The following MAF variants were observed in gnomAD, a reference collection of about 807,000 sequenced individuals.
MAF encodes transcription factor Maf.
In MAF, 10 loss-of-function variants were observed where a neutral mutation model predicts 22.0. The ratio of observed to expected loss-of-function variants is 0.45; its 90% CI spans 0.28 to 0.77. The LOEUF is 0.77. Ranked by LOEUF, MAF falls within the 30% of genes least tolerant of loss-of-function variation. MAF has a pLI of 0.12. For synonymous variants in MAF, 337 were observed against 255.8 expected, an observed-to-expected ratio of 1.32 and a Z score of -3.03; for missense variants, 544 against 548.4, an observed-to-expected ratio of 0.99 and a Z score of 0.08.
the MAF span, among the ~76,000 whole-genome samples, chr16:79,295,207 C>G: frequency 6.6e-6 from 1 of 152,152 alleles, no homozygotes; most frequent in Non-Finnish European, 1.5e-5. Flanking sequence ...GCGTTTTCAA[C>G]CAGTCTTTGG....
At chr16:79,545,206 A>T in the MAF span, among the ~76,000 whole-genome samples, 3 of 152,242 alleles carry the variant, frequency 2.0e-5, no homozygotes, top group Admixed American at 6.5e-5. Flanking sequence ...AAAGGGCAGA[A>T]CATGCATTAC....
chr16:79,231,722 GAC>G, the MAF span, among the ~76,000 whole-genome samples: 1 of 152,126 alleles, frequency 6.6e-6, no homozygotes, highest in South Asian at 2.1e-4. Flanking sequence ...TTTCACGGAA[GAC>G]AGTTTTTCTG....
At chr16:79,588,054 T>C (rs1028013044) in intron 1 of MAF, among the ~76,000 whole-genome samples, 1 of 152,196 alleles carries the variant, frequency 6.6e-6, no homozygotes, top group East Asian at 1.9e-4. Flanking sequence ...AAGCCACATG[T>C]CTACGAGCAC....
chr16:79,549,930 A>C, the MAF span, among the ~76,000 whole-genome samples: 3 of 152,182 alleles, frequency 2.0e-5, no homozygotes, highest in Non-Finnish European at 4.4e-5. Flanking sequence ...GTTCCATTTC[A>C]GGAGTTTAAG....
the MAF span, among the ~76,000 whole-genome samples, chr16:79,435,203 C>A: frequency 6.6e-6 from 1 of 152,086 alleles, no homozygotes; most frequent in Non-Finnish European, 1.5e-5. Flanking sequence ...CACAGCTGTA[C>A]ACACATATAT....
chr16:79,499,817 C>G, the MAF span, among the ~76,000 whole-genome samples: 1 of 152,168 alleles, frequency 6.6e-6, no homozygotes, highest in Non-Finnish European at 1.5e-5. Context: ...AAGACACTTC[C>G]CCAAAAACAT....
the MAF span, among the ~76,000 whole-genome samples, chr16:79,561,668 G>T: frequency 6.6e-6 from 1 of 152,086 alleles, no homozygotes; most frequent in African/African-American, 2.4e-5. Flanking sequence ...TTCAGGAAAG[G>T]GAGCAGGAAT....
chr16:79,547,860 A>G, the MAF span, among the ~76,000 whole-genome samples: 4 of 150,716 alleles, frequency 2.7e-5, no homozygotes, highest in African/African-American at 7.3e-5. Flanking sequence ...TCTGCAAACT[A>G]TCTCCTTGTG....
At chr16:79,290,793 A>C in the MAF span, among the ~76,000 whole-genome samples, 1 of 152,190 alleles carries the variant, frequency 6.6e-6, no homozygotes, top group East Asian at 1.9e-4. Context: ...TGTTTCTCAA[A>C]TTGTTGACCT....
chr16:79,254,422 A>G, the MAF span, among the ~76,000 whole-genome samples: 1 of 152,066 alleles, frequency 6.6e-6, no homozygotes, highest in Non-Finnish European at 1.5e-5. Context: ...AATCATTTCC[A>G]TTTTATTAAG....
chr16:79,245,673 G>C, the MAF span, among the ~76,000 whole-genome samples: 18,327 of 151,990 alleles, frequency 0.12, 1,485 homozygotes, highest in Middle Eastern at 0.2. Context: ...CCTAGAACTA[G>C]AAATACCATT....
the MAF span, among the ~76,000 whole-genome samples, chr16:79,536,955 T>C: frequency 6.6e-6 from 1 of 152,196 alleles, no homozygotes; most frequent in Non-Finnish European, 1.5e-5. Flanking sequence ...GGGATGACTA[T>C]TTCATGATAG....
At chr16:79,214,896 A>C in the MAF span, among the ~76,000 whole-genome samples, 5 of 145,426 alleles carry the variant, frequency 3.4e-5, no homozygotes, top group East Asian at 2.1e-4. Context: ...TTTTCAGTCG[A>C]GATGGGTTTG....
At chr16:79,263,249 G>A in the MAF span, among the ~76,000 whole-genome samples, 1 of 152,200 alleles carries the variant, frequency 6.6e-6, no homozygotes, top group African/African-American at 2.4e-5. Flanking sequence ...CCAAGTCATT[G>A]CAACTTTCTC....
At chr16:79,304,460 C>T in the MAF span, among the ~76,000 whole-genome samples, 157 of 152,224 alleles carry the variant, frequency 1.0e-3, no homozygotes, top group Middle Eastern at 0.014. Flanking sequence ...AGAATTTTGA[C>T]TTCTCTTTTG....
the MAF span, among the ~76,000 whole-genome samples, chr16:79,262,753 C>T: frequency 6.6e-6 from 1 of 152,118 alleles, no homozygotes; most frequent in Non-Finnish European, 1.5e-5. Context: ...TCCAGAGCCC[C>T]TTTGTTGGTA....
At chr16:79,500,969 G>C in the MAF span, among the ~76,000 whole-genome samples, 1 of 152,146 alleles carries the variant, frequency 6.6e-6, no homozygotes, top group South Asian at 2.1e-4. Flanking sequence ...TCATGGGCTG[G>C]CTCTTGTTTC....
At chr16:79,212,446 T>A in the MAF span, 1 of 269,782 alleles carries the variant, frequency 3.7e-6, no homozygotes, top group African/African-American at 2.2e-5. Flanking sequence ...CTTTAGAGAT[T>A]ATAACAAATT....
the MAF span, among the ~76,000 whole-genome samples, chr16:79,285,357 G>C: frequency 6.6e-6 from 1 of 152,316 alleles, no homozygotes; most frequent in South Asian, 2.1e-4. Flanking sequence ...GCCACGAGTG[G>C]CCTTGGACCT....
Sources: gnomAD v4.1 joint callset for allele counts (sites outside exome capture counted in the v4.1 genomes callset) on GRCh38, gnomAD v4.1.1 for gene constraint, MANE v1.5 for transcripts, NCBI Gene and HGNC (gene_info 2026-07-23, HGNC 2026-07-21) for gene names.